EP300: variants seen among roughly 807,000 people sequenced by gnomAD.
EP300 encodes EP300 lysine acetyltransferase, also known as histone acetyltransferase p300.
In EP300, 31 loss-of-function variants were observed where a neutral mutation model predicts 264.0. The ratio of observed to expected loss-of-function variants is 0.12; its 90% CI spans 0.09 to 0.16. The LOEUF is 0.16. Ranked by LOEUF, EP300 falls within the 10% of genes least tolerant of loss-of-function variation. The pLI is 1.00. For synonymous variants in EP300, 1,340 were observed against 1,045.4 expected (o/e 1.28, Z -5.44); for missense variants, 2,766 against 3,052.9 (o/e 0.91, Z 2.21).
Position 41,158,360 on chromosome 22 carries a change from C to A in EP300, c.3502-52C>A. The A allele has an allele frequency of 6.1e-6, 9 of 1,475,818 alleles. No individual in the cohort carries two copies. The South Asian group carries it at 1.0e-4, about 17-fold the overall frequency. 91.4% of individuals were successfully genotyped at this position (1,475,818 alleles called of 1,614,324 possible). On this transcript the variant is annotated intron_variant, in intron 18 of 30. Transcript: ENST00000263253. ...TTTCTGACTTGCCATTCTTACTGTT[C>A]TAGCTTGTCCTTAAGGCCTCTGTGC...
In EP300 at chr22:41,149,798, C is replaced by T. The variant is rs1357727063; in HGVS notation, c.2417C>T (p.Pro806Leu). 1 of 1,613,976 alleles carries T rather than the reference C, an allele frequency of 6.2e-7. No homozygotes were observed. Among genetic ancestry groups the T allele is most frequent in the East Asian group, 2.2e-5 (1 of 44,896 alleles). ...AGTTCTTCCTGCCCGGTGAACTCTC[C>T]TATAATGCCTCCAGGGTCTCAGGGG... ...MSSSSCPVNS[P>L]IMPPGSQGSH... The change falls in exon 14 of 31, where the codon CCT (proline) becomes CTT (leucine). Residue 806 changes from proline (P) to leucine (L), a missense_variant. Coordinates refer to ENST00000263253, the MANE Select transcript of EP300 (RefSeq NM_001429.4).
chr22:41,099,188 G>A (rs766556836), intron 1 of EP300, among the ~76,000 whole-genome samples: 5 of 151,838 alleles, frequency 3.3e-5, no homozygotes, highest in East Asian at 1.9e-4. Flanking sequence ...CTCAGCCTCC[G>A]GAGTAGCTAG....
At chr22:41,165,271 G>A (rs3788583) in intron 22 of EP300, among the ~76,000 whole-genome samples, 6,201 of 152,120 alleles carry the variant, frequency 0.041, 420 homozygotes, top group East Asian at 0.2. Flanking sequence ...ACTGTGTTAA[G>A]CTTGCTTTTT....
At chr22:41,141,297 C>T (rs2145726740) in intron 10 of EP300, 75 bp downstream of exon 10, 1 of 1,508,936 alleles carries the variant, frequency 6.6e-7, no homozygotes, top group South Asian at 1.2e-5. Context: ...TCATTAATTT[C>T]TGTAAGCTTG....
intron 10 of EP300, among the ~76,000 whole-genome samples, chr22:41,141,738 A>G (rs1325106109): frequency 6.7e-6 from 1 of 150,110 alleles, no homozygotes; most frequent in Middle Eastern, 3.4e-3. Flanking sequence ...GTACGGTGGC[A>G]TGATCTTGGA....
chr22:41,176,415 T>A lies in EP300; in HGVS notation c.4948T>A (p.Ser1650Thr). 6.2e-7 allele frequency: 1 copy of A among 1,614,198 alleles called. No homozygotes were observed. Among genetic ancestry groups the A allele is most frequent in the East Asian group, 2.2e-5 (1 of 44,882 alleles). ...EFSSLRRAQW[S>T]TMCMLVELHT... ...CTCTTCACTCCGAAGAGCCCAGTGGTCCACCATGTGCATGCTGGTGGAGCT... is the reference window on the plus strand; with the variant it reads ...CTCTTCACTCCGAAGAGCCCAGTGGACCACCATGTGCATGCTGGTGGAGCT... The change falls in exon 30 of 31, where the codon TCC becomes ACC. Residue 1650 changes from serine to threonine, a missense_variant. By Grantham distance (58) the Ser-to-Thr change is moderately conservative. Coordinates refer to ENST00000263253, the MANE Select transcript of EP300 (RefSeq NM_001429.4).
chr22:41,153,669 G>C (rs1029679057), intron 16 of EP300, among the ~76,000 whole-genome samples: 2 of 152,182 alleles, frequency 1.3e-5, no homozygotes, highest in African/African-American at 4.8e-5. Flanking sequence ...AGAATCACTT[G>C]AACCCGGGAG....
chr22:41,110,644 C>T (rs1251472226), intron 1 of EP300, among the ~76,000 whole-genome samples: 1 of 151,952 alleles, frequency 6.6e-6, no homozygotes, highest in Admixed American at 6.6e-5. Flanking sequence ...GAGAGGTGGT[C>T]TTTCTCCCCT....
chr22:41,151,795 G>A, intron 14 of EP300, 38 bp from the exon 15 acceptor site: 1 of 1,602,846 alleles, frequency 6.2e-7, no homozygotes, highest in Non-Finnish European at 8.5e-7. Context: ...GGCAGACTCT[G>A]CGTGTGTCTC....
chr22:41,166,411 G>A (rs1298394825), intron 22 of EP300, among the ~76,000 whole-genome samples, 188 bp from the exon 23 acceptor site: 2 of 152,006 alleles, frequency 1.3e-5, no homozygotes, highest in African/African-American at 2.4e-5. Flanking sequence ...CATGTCTGTT[G>A]CTTGATTTTC....
At chr22:41,122,785 G>A (rs142973113) in intron 2 of EP300, among the ~76,000 whole-genome samples, 1 of 152,058 alleles carries the variant, frequency 6.6e-6, no homozygotes, top group South Asian at 2.1e-4. Context: ...GCCAGGCATG[G>A]TGGGAGATGC....
chr22:41,163,780 G>A (rs887280662), intron 21 of EP300, among the ~76,000 whole-genome samples: 37 of 152,138 alleles, frequency 2.4e-4, no homozygotes, highest in African/African-American at 7.2e-4. Flanking sequence ...AGGCATGATA[G>A]TATGTGCCTA....
In EP300 at chr22:41,166,641, G is replaced by A. The variant is rs2059136106; in HGVS notation, c.3849G>A (p.Arg1283=). The A allele has an allele frequency of 1.9e-6, 3 of 1,612,074 alleles. No individual in the cohort carries two copies. Among genetic ancestry groups the A allele is most frequent in the Non-Finnish European group, 2.5e-6 (3 of 1,179,252 alleles). The change falls in exon 23 of 31, where the codon AGG becomes AGA. Residue 1283 remains arginine (R), a synonymous_variant. Transcript: ENST00000263253. ...DGCLKKSART[R]KENKFSAKRL... is the part of the protein sequence containing the mutation. ...GTTTAAAGAAAAGTGCACGAACTAG[G>A]AAAGAAAATAAGTTTTCTGCTAAAA...
At position 41,118,442 on chromosome 22, in the gene EP300, T is replaced by C. The variant is rs555580424; in HGVS notation, c.729+621T>C. On this transcript the variant is annotated intron_variant, in intron 2 of 30. Transcript: ENST00000263253. ...AAATAAGGCATAATCACACATACTT[T>C]AGTGCTTATTTCTTCATATTTTTCT... Among the ~76,000 whole-genome samples, 208 of 152,376 alleles carry C rather than the reference T, an allele frequency of 1.4e-3. 1 individual carries two copies. The highest frequency in any genetic ancestry group is 4.8e-3 in the African/African-American group (199 of 41,586).
intron 10 of EP300, 21 bp downstream of exon 10, chr22:41,141,243 TTC>T (rs1757888829): frequency 6.2e-7 from 1 of 1,608,972 alleles, no homozygotes; most frequent in South Asian, 1.1e-5. Flanking sequence ...TTTGTTATAT[TTC>T]TGTTTGAGAG....
chr22:41,140,821 C>T lies in EP300; in HGVS notation c.1879-227C>T, dbSNP rs183256377. Among the ~76,000 whole-genome samples, 74 of 152,194 alleles carry T rather than the reference C, an allele frequency of 4.9e-4. 1 individual carries two copies. In the East Asian group the frequency reaches 0.014, roughly 29 times the overall value. ...GGAGTGGGGTGGTGCTGAGCTGTTA[C>T]CAGCTGTGTTCTCTTTTCACTAGAA... is the stretch of plus-strand genomic sequence containing the variant. On this transcript the variant is annotated intron_variant, in intron 9 of 30. Transcript: ENST00000263253.
chr22:41,108,762 T>A (rs927289316), intron 1 of EP300, among the ~76,000 whole-genome samples: 2 of 152,220 alleles, frequency 1.3e-5, no homozygotes, highest in Non-Finnish European at 2.9e-5. Context: ...AGAAGCAGCC[T>A]GGTGATGTTG....
rs547137461 is a variant in EP300 at position 41,116,318 on chromosome 22, C to A, written c.95-869C>A. Among the ~76,000 whole-genome samples, 13 of 152,208 alleles carry A rather than the reference C, an allele frequency of 8.5e-5. No individual in the cohort carries two copies. The East Asian group carries it at 1.5e-3, about 18-fold the overall frequency. On this transcript the variant is annotated intron_variant, in intron 1 of 30. Coordinates refer to ENST00000263253, the MANE Select transcript of EP300 (RefSeq NM_001429.4). The stretch of plus-strand genomic sequence containing the variant: ...TGCCATGGTGGTTTGCCGCACCCAT[C>A]AATCCGTCATCTACATTAGGTATTT...
rs116856246 is a variant in EP300 at position 41,104,746 on chromosome 22, G to A, written c.94+11648G>A. ...TAAAATTCAAGACTTAAGGCTGGGC[G>A]CAGTGGCCTACACCTGTAATCCCAG... On this transcript the variant is annotated intron_variant, in intron 1 of 30. Coordinates refer to ENST00000263253, the MANE Select transcript of EP300 (RefSeq NM_001429.4). Among the ~76,000 whole-genome samples the A allele has an allele frequency of 8.9e-3, 1,359 of 152,220 alleles. 11 individuals are homozygous for A. The highest frequency in any genetic ancestry group is 0.014 in the Non-Finnish European group (936 of 68,010).
Sources: gnomAD v4.1 joint callset for allele counts (sites outside exome capture counted in the v4.1 genomes callset) on GRCh38, gnomAD v4.1.1 for gene constraint, MANE v1.5 for transcripts, NCBI Gene and HGNC (gene_info 2026-07-23, HGNC 2026-07-21) for gene names.